Variants in USP16 observed in about 807,000 individuals in gnomAD.
USP16 encodes the protein ubiquitin specific peptidase 16, also known as ubiquitin carboxyl-terminal hydrolase 16.
A neutral mutation model predicts 95.9 loss-of-function variants in USP16; 77 were observed. The ratio of observed to expected loss-of-function variants is 0.80; its 90% confidence interval spans 0.67 to 0.97. USP16 has a LOEUF of 0.97. Among genes scored for constraint, USP16 ranks in the 50% least tolerant of loss-of-function variants. The pLI, the probability that USP16 is intolerant of heterozygous loss-of-function variation, is 0.00. For missense variants in USP16, 943 were observed against 959.9 expected (o/e 0.98, Z 0.23); for synonymous variants, 303 against 318.2 (o/e 0.95, Z 0.51).
At chr21:29,034,992 G>GA in intron 4 of USP16, 52 bp downstream of exon 4, 1 of 1,510,988 alleles carries the variant, frequency 6.6e-7, no homozygotes, top group Non-Finnish European at 9.1e-7. Context: ...AAATATTAGA[G>GA]AATGGAAATG....
chr21:29,049,288 T>G (rs749707178), intron 15 of USP16, among the ~76,000 whole-genome samples: 9 of 152,214 alleles, frequency 5.9e-5, no homozygotes, highest in African/African-American at 2.2e-4. Flanking sequence ...AAACTTTTGC[T>G]ATAGCTGTAT....
In USP16 at chr21:29,039,061, TCTTA is replaced by T. The variant is rs1214519863; in HGVS notation, c.772_775del (p.Thr258Ter). ...AAATAAACCTTGAGCCTCCAGGCCC[TCTTA>T]CTTTAGCCATGAGCCAGTTTCTTAA... is the stretch of plus-strand genomic sequence containing the variant. On this transcript the variant is annotated frameshift_variant, in exon 8 of 18. Coordinates refer to ENST00000399976, the MANE Select transcript of USP16 (RefSeq NM_006447.3). LOFTEE classifies it high-confidence loss of function. 6.3e-7 allele frequency: 1 copy of T among 1,584,062 alleles called. No individual in the cohort carries two copies. Among genetic ancestry groups the T allele is most frequent in the Non-Finnish European group, 8.6e-7 (1 of 1,163,548 alleles).
intron 7 of USP16, 38 bp from the exon 8 acceptor site, chr21:29,038,988 A>G: frequency 6.9e-7 from 1 of 1,458,442 alleles, no homozygotes; most frequent in East Asian, 2.6e-5. Flanking sequence ...TGATTCCAGA[A>G]TTTGACTGAA....
intron 11 of USP16, 57 bp from the exon 12 acceptor site, chr21:29,042,415 T>G: frequency 6.5e-7 from 1 of 1,534,348 alleles, no homozygotes; most frequent in Non-Finnish European, 8.9e-7. Flanking sequence ...GGGAGGATCT[T>G]ACTATGTAAC....
chr21:29,053,641 C>G, intron 16 of USP16, 161 bp from the exon 17 acceptor site: 1 of 652,708 alleles, frequency 1.5e-6, no homozygotes, highest in East Asian at 2.9e-5. Flanking sequence ...AGAAGTGTCT[C>G]AGGCTGAGAA....
Position 29,037,459 on chromosome 21 carries a change from T to C in USP16, c.632T>C (p.Met211Thr). The C allele has an allele frequency of 6.3e-7, 1 of 1,574,818 alleles. No homozygotes were observed. The highest frequency in any genetic ancestry group is 8.6e-7 in the Non-Finnish European group (1 of 1,164,908). ...AACACATGTTTCTTCAATGCAGTTATGCAGGTACATTGTCATTTTTTTCCC... is the reference window on the plus strand; with the variant it reads ...AACACATGTTTCTTCAATGCAGTTACGCAGGTACATTGTCATTTTTTTCCC... ...LGNTCFFNAV[M>T]QNLSQTPVLR... Residue 211 changes from methionine (M) to threonine (T), a missense_variant, in exon 6 of 18, where the codon ATG becomes ACG. Coordinates refer to ENST00000399976, the MANE Select transcript of USP16 (RefSeq NM_006447.3).
At chr21:29,037,997 G>C (rs1352266445) in intron 6 of USP16, among the ~76,000 whole-genome samples, 1 of 152,212 alleles carries the variant, frequency 6.6e-6, no homozygotes, top group Non-Finnish European at 1.5e-5. Context: ...GCTTGCACTT[G>C]GGTGGAGGAA....
chr21:29,048,640 C>T (rs2085366752), intron 14 of USP16, 121 bp from the exon 15 acceptor site: 3 of 715,232 alleles, frequency 4.2e-6, no homozygotes, highest in Non-Finnish European at 4.5e-6. Flanking sequence ...TTATCTAGTA[C>T]TTCATAGAAA....
In USP16 at chr21:29,038,308, C is replaced by T. The variant is rs552084260; in HGVS notation, c.637-27C>T. 8.3e-5 allele frequency: 125 copies of T among 1,508,004 alleles called. 3 individuals carry two copies. In the South Asian group the frequency reaches 1.3e-3, roughly 16 times the overall value. 93.4% of individuals were successfully genotyped at this position (1,508,004 alleles called of 1,614,324 possible). On this transcript the variant is annotated intron_variant, in intron 6 of 17. Coordinates refer to ENST00000399976, the MANE Select transcript of USP16 (RefSeq NM_006447.3). ...GTTGATTTGCCTTTAAATAATTTTT[C>T]TCTTTTTTTTTCACCCTACATTCTA...
intron 10 of USP16, among the ~76,000 whole-genome samples, chr21:29,041,118 G>C (rs1307754887): frequency 3.9e-5 from 6 of 152,130 alleles, no homozygotes; most frequent in Admixed American, 3.9e-4. Flanking sequence ...GAAGCAACTA[G>C]GCACGTGTGG....
At chr21:29,028,428 T>G (rs1403024039) in intron 2 of USP16, among the ~76,000 whole-genome samples, 1 of 148,720 alleles carries the variant, frequency 6.7e-6, no homozygotes, top group Non-Finnish European at 1.5e-5. Context: ...CACCTGACTT[T>G]CTACATCTTT....
Position 29,054,353 on chromosome 21 carries a change from A to C in USP16, c.*166A>C. The C allele has an allele frequency of 1.1e-6, 1 of 899,048 alleles. No individual in the cohort carries two copies. Among genetic ancestry groups the C allele is most frequent in the Non-Finnish European group, 1.6e-6 (1 of 616,580 alleles). The allele number at this position is 899,048 out of a possible 1,614,324, so 55.7% of individuals were successfully genotyped here. A position where few individuals can be genotyped will look rare whatever the true frequency, so the allele number is the denominator to read the frequency against. On this transcript the variant is annotated 3_prime_UTR_variant, in exon 18 of 18. Transcript: ENST00000399976. ...AGGGAAAAATACCTAAAAATGTACA[A>C]AGGTTTTATATTGTCATAGTGGTTT...
intron 7 of USP16, among the ~76,000 whole-genome samples, 158 bp from the exon 8 acceptor site, chr21:29,038,868 G>A (rs915390842): frequency 1.3e-5 from 2 of 152,174 alleles, no homozygotes; most frequent in African/African-American, 4.8e-5. Context: ...GACAGTCTGT[G>A]ACCAAACAGT....
At chr21:29,043,225 T>G in intron 12 of USP16, 198 bp from the exon 13 acceptor site, 2 of 354,866 alleles carry the variant, frequency 5.6e-6, no homozygotes, top group Non-Finnish European at 9.9e-6. Context: ...TTTGTTGGTT[T>G]GCTTGTTTTC....
At chr21:29,026,347 T>G (rs1277385095) in intron 1 of USP16, among the ~76,000 whole-genome samples, 1 of 151,256 alleles carries the variant, frequency 6.6e-6, no homozygotes, top group Non-Finnish European at 1.5e-5. Flanking sequence ...TCCCAGCTAT[T>G]CGGGAGGCTG....
intron 7 of USP16, among the ~76,000 whole-genome samples, chr21:29,038,786 C>G (rs981134066): frequency 1.3e-5 from 2 of 152,102 alleles, no homozygotes; most frequent in Non-Finnish European, 2.9e-5. Flanking sequence ...TTTGCTTTGG[C>G]TCTTTCAATT....
rs1432237043 is a variant in USP16 at position 29,036,454 on chromosome 21, G to T, written c.448+80G>T. ...ATACTTAGATTTGTTATACTACCTA[G>T]CATTACATACAGCTGAGTAACATTA... On this transcript the variant is annotated intron_variant, in intron 5 of 17. Transcript: ENST00000399976. 3.1e-6 allele frequency: 4 copies of T among 1,296,880 alleles called. No individual in the cohort carries two copies. The South Asian group carries it at 5.0e-5, about 16-fold the overall frequency. 80.3% of individuals were successfully genotyped at this position (1,296,880 alleles called of 1,614,324 possible). A position where few individuals can be genotyped will look rare whatever the true frequency, so the allele number is the denominator to read the frequency against.
chr21:29,054,202 C>CT lies in USP16; in HGVS notation c.*20dup. The CT allele has an allele frequency of 6.2e-7, 1 of 1,604,124 alleles. No homozygotes were observed. Among genetic ancestry groups the CT allele is most frequent in the Non-Finnish European group, 8.5e-7 (1 of 1,173,786 alleles). On this transcript the variant is annotated 3_prime_UTR_variant, in exon 18 of 18. Transcript: ENST00000399976. ...GAATACTGTAATAATATCAAAAGCA[C>CT]TTTTTCTGGAAACACATTTATGGCT...
intron 11 of USP16, 90 bp from the exon 12 acceptor site, chr21:29,042,382 C>T (rs1274671199): frequency 7.8e-7 from 1 of 1,283,128 alleles, no homozygotes; most frequent in Non-Finnish European, 1.1e-6. Flanking sequence ...AAACCCATCC[C>T]CTACTCCCCA....
Sources: allele counts gnomAD v4.1 joint callset (sites outside exome capture counted in the v4.1 genomes callset), GRCh38; gene constraint gnomAD v4.1.1; transcripts MANE v1.5; gene names NCBI Gene and HGNC (gene_info 2026-07-23, HGNC 2026-07-21).